Variants in BNC2 observed in about 807,000 individuals in gnomAD.
BNC2 encodes the protein zinc finger protein basonuclin-2.
Under a neutral mutation model 76.3 loss-of-function variants are expected in BNC2, and 20 were observed. That is an observed-to-expected ratio of 0.26 (90% CI 0.18 to 0.38). The LOEUF (loss-of-function observed/expected upper bound fraction) is 0.38, where lower values mean the gene tolerates loss of function less well. BNC2 is among the 10% of genes least tolerant of loss of function. BNC2 has a pLI of 1.00. For missense variants in BNC2, 1,382 were observed against 1,399.8 expected, an observed-to-expected ratio of 0.99 and a Z score of 0.20; for synonymous variants, 582 against 514.8, an observed-to-expected ratio of 1.13 and a Z score of -1.77.
intron 3 of BNC2, among the ~76,000 whole-genome samples, chr9:16,696,067 C>T (rs2134488601): frequency 1.3e-5 from 2 of 152,304 alleles, no homozygotes; most frequent in South Asian, 4.1e-4. Context: ...GTCCCCCACA[C>T]ACTTTCCAGA....
rs538541422 is a variant in BNC2 at position 16,468,868 on chromosome 9, G to A, written c.670-31344C>T. 5.3e-5 allele frequency among the ~76,000 whole-genome samples: 8 copies of A among 152,286 alleles called. No individual in the cohort carries two copies. In the South Asian group the frequency reaches 1.4e-3, roughly 28 times the overall value. On this transcript the variant is annotated intron_variant, in intron 5 of 6. Coordinates refer to ENST00000380672, the MANE Select transcript of BNC2 (RefSeq NM_017637.6). ...TGAGGTGCATACTCATATACCTCTAGTTGTCCATATCCCCAATAATACAAA... is the reference window on the plus strand; with the variant it reads ...TGAGGTGCATACTCATATACCTCTAATTGTCCATATCCCCAATAATACAAA...
intron 3 of BNC2, among the ~76,000 whole-genome samples, chr9:16,682,505 A>G (rs562644092): frequency 2.0e-5 from 3 of 152,172 alleles, no homozygotes; most frequent in African/African-American, 7.2e-5. Flanking sequence ...TCACTAAACA[A>G]GCCTGATCAC....
intron 3 of BNC2, among the ~76,000 whole-genome samples, chr9:16,664,630 T>C (rs28575837): frequency 0.058 from 8,694 of 150,576 alleles, 377 homozygotes; most frequent in African/African-American, 0.12. Context: ...AGGATGCTCA[T>C]CAATGACAGA....
At chr9:16,490,057 T>C (rs964597772) in intron 5 of BNC2, among the ~76,000 whole-genome samples, 1 of 152,214 alleles carries the variant, frequency 6.6e-6, no homozygotes, top group African/African-American at 2.4e-5. Flanking sequence ...AAATGTCTAA[T>C]TTAATACAAT....
In BNC2 at chr9:16,417,531, G is replaced by A. The variant is rs1820610707; in HGVS notation, c.*1458C>T. ...TAGCACATGTTTTCAAAGCTTCCAAGTACTGCTGCTGTTAAATGCCTTTTG... is the reference window on the plus strand; with the variant it reads ...TAGCACATGTTTTCAAAGCTTCCAAATACTGCTGCTGTTAAATGCCTTTTG... On this transcript the variant is annotated 3_prime_UTR_variant, in exon 7 of 7. Coordinates refer to ENST00000380672, the MANE Select transcript of BNC2 (RefSeq NM_017637.6). The A allele has an allele frequency of 6.6e-6, 1 of 152,216 alleles. No individual in the cohort carries two copies. Among genetic ancestry groups the A allele is most frequent in the South Asian group, 2.1e-4 (1 of 4,820 alleles). 9.4% of individuals were successfully genotyped at this position (152,216 alleles called of 1,614,324 possible).
chr9:16,763,343 G>C (rs561448236), intron 1 of BNC2, among the ~76,000 whole-genome samples: 1 of 152,052 alleles, frequency 6.6e-6, no homozygotes, highest in Admixed American at 6.6e-5. Flanking sequence ...GCCAAGACAG[G>C]AGTATCGCCT....
chr9:16,751,971 G>C (rs1357442850), intron 1 of BNC2, among the ~76,000 whole-genome samples: 1 of 152,068 alleles, frequency 6.6e-6, no homozygotes, highest in Non-Finnish European at 1.5e-5. Context: ...AGAGGTTGCA[G>C]TGAGCCCAGA....
chr9:16,542,067 C>G (rs1818338110), intron 5 of BNC2, among the ~76,000 whole-genome samples: 1 of 152,086 alleles, frequency 6.6e-6, no homozygotes, highest in Non-Finnish European at 1.5e-5. Flanking sequence ...AACCACATTA[C>G]TCACACTAAC....
chr9:16,827,885 TATG>T (rs1253889297), intron 1 of BNC2, among the ~76,000 whole-genome samples: 3 of 152,224 alleles, frequency 2.0e-5, no homozygotes, highest in Non-Finnish European at 4.4e-5. Context: ...TTTGAATCCA[TATG>T]ATATGCCCAT....
intron 5 of BNC2, among the ~76,000 whole-genome samples, chr9:16,530,017 T>C (rs771450093): frequency 1.3e-5 from 2 of 152,038 alleles, no homozygotes; most frequent in African/African-American, 2.4e-5. Flanking sequence ...CCAGCTAATT[T>C]TTGTATTTTT....
intron 1 of BNC2, among the ~76,000 whole-genome samples, chr9:16,740,783 T>C (rs1563922339): frequency 1.3e-5 from 2 of 151,354 alleles, no homozygotes; most frequent in South Asian, 2.1e-4. Context: ...AGAGGGAAAA[T>C]GGTATGAAAG....
chr9:16,665,442 GAAA>G (rs1256328858), intron 3 of BNC2, among the ~76,000 whole-genome samples: 1,314 of 82,954 alleles, frequency 0.016, 9 homozygotes, highest in South Asian at 0.025. Flanking sequence ...AGAAAAGAAA[GAAA>G]GAAAGAAAGA....
At chr9:16,681,927 G>A (rs1467478276) in intron 3 of BNC2, among the ~76,000 whole-genome samples, 1 of 152,006 alleles carries the variant, frequency 6.6e-6, no homozygotes, top group Admixed American at 6.6e-5. Flanking sequence ...AGGGGGTTGG[G>A]GGACCGGTGC....
intron 1 of BNC2, among the ~76,000 whole-genome samples, chr9:16,839,858 G>A (rs1818787792): frequency 6.6e-6 from 1 of 152,120 alleles, no homozygotes; most frequent in South Asian, 2.1e-4. Flanking sequence ...ATGTACCTAC[G>A]TACAAACATG....
chr9:16,530,710 A>G (rs1817949276), intron 5 of BNC2, among the ~76,000 whole-genome samples: 1 of 152,228 alleles, frequency 6.6e-6, no homozygotes. Flanking sequence ...AAACCATGGT[A>G]TATGTTGTAA....
chr9:16,847,422 C>A (rs1217629368), intron 1 of BNC2, among the ~76,000 whole-genome samples: 8 of 85,190 alleles, frequency 9.4e-5, no homozygotes, highest in Non-Finnish European at 1.1e-4. Context: ...GGGCGGCGGG[C>A]AACAACCCTG....
At chr9:16,524,299 T>G (rs1442931713) in intron 5 of BNC2, among the ~76,000 whole-genome samples, 1 of 152,030 alleles carries the variant, frequency 6.6e-6, no homozygotes, top group African/African-American at 2.4e-5. Flanking sequence ...AACCTGAGAG[T>G]GAATGGGGCT....
chr9:16,681,918 G>A (rs1822832797), intron 3 of BNC2, among the ~76,000 whole-genome samples: 1 of 152,050 alleles, frequency 6.6e-6, no homozygotes, highest in Non-Finnish European at 1.5e-5. Context: ...ACCTGAAAGA[G>A]GGGGTTGGGG....
chr9:16,440,905 G>A (rs187079024), intron 5 of BNC2, among the ~76,000 whole-genome samples: 51 of 152,316 alleles, frequency 3.3e-4, no homozygotes, highest in African/African-American at 1.2e-3. Flanking sequence ...AATAGAAGCA[G>A]CAATTTATAT....
Sources: gnomAD v4.1 joint callset for allele counts (sites outside exome capture counted in the v4.1 genomes callset) on GRCh38, gnomAD v4.1.1 for gene constraint, MANE v1.5 for transcripts, NCBI Gene and HGNC (gene_info 2026-07-23, HGNC 2026-07-21) for gene names.